Variants in LEKR1 observed in about 807,000 individuals in gnomAD.
LEKR1 encodes the protein leucine, glutamate and lysine rich 1.
A neutral mutation model predicts 72.4 loss-of-function variants in LEKR1; 59 were observed. The observed-to-expected ratio is 0.82, with a 90% CI of 0.66 to 1.01. The LOEUF (loss-of-function observed/expected upper bound fraction) is 1.01, where lower values mean the gene tolerates loss of function less well. Among genes scored for constraint, LEKR1 ranks in the 50% least tolerant of loss-of-function variants. The pLI, the probability that LEKR1 is intolerant of heterozygous loss-of-function variation, is 0.00. For synonymous variants in LEKR1, 257 were observed against 263.2 expected (o/e 0.98, Z 0.23); for missense variants, 728 against 759.2 (o/e 0.96, Z 0.48).
intron 3 of LEKR1, among the ~76,000 whole-genome samples, chr3:156,913,532 T>C (rs1723310073): frequency 6.6e-6 from 1 of 152,220 alleles, no homozygotes; most frequent in South Asian, 2.1e-4. Flanking sequence ...AAACATATAA[T>C]TAACTTTCCC....
At chr3:156,863,182 C>T (rs1022739150) in intron 3 of LEKR1, among the ~76,000 whole-genome samples, 1 of 151,964 alleles carries the variant, frequency 6.6e-6, no homozygotes, top group Admixed American at 6.6e-5. Flanking sequence ...AAGAAATCCC[C>T]AGGAAGTCTA....
chr3:157,045,809 G>C lies in LEKR1; in HGVS notation c.*59G>C. 1 of 1,387,186 alleles carries C rather than the reference G, an allele frequency of 7.2e-7. No homozygotes were observed. Among genetic ancestry groups the C allele is most frequent in the East Asian group, 2.3e-5 (1 of 43,404 alleles). 85.9% of individuals were successfully genotyped at this position (1,387,186 alleles called of 1,614,324 possible). A position where few individuals can be genotyped will look rare whatever the true frequency, so the allele number is the denominator to read the frequency against. ...TGCACGCTCTTTCAGAGAGTGCCAGGAATTCACTGTAACTGAGAATGACAA... is the reference window on the plus strand; with the variant it reads ...TGCACGCTCTTTCAGAGAGTGCCAGCAATTCACTGTAACTGAGAATGACAA... On this transcript the variant is annotated 3_prime_UTR_variant, in exon 13 of 13. Coordinates refer to ENST00000356539, the MANE Select transcript of LEKR1 (RefSeq NM_001004316.3).
At chr3:156,954,827 C>T (rs1300761657) in intron 6 of LEKR1, among the ~76,000 whole-genome samples, 1 of 151,888 alleles carries the variant, frequency 6.6e-6, no homozygotes, top group East Asian at 1.9e-4. Flanking sequence ...TTAGGACTGC[C>T]TTGGCTAGTC....
chr3:156,916,229 C>T (rs563544963), intron 3 of LEKR1, among the ~76,000 whole-genome samples: 3 of 151,828 alleles, frequency 2.0e-5, no homozygotes, highest in Admixed American at 6.6e-5. Context: ...CTTAGAATTG[C>T]TTTGTCTATT....
chr3:156,846,287 T>G (rs1224789659), intron 2 of LEKR1, among the ~76,000 whole-genome samples: 1 of 152,144 alleles, frequency 6.6e-6, no homozygotes, highest in Admixed American at 6.5e-5. Context: ...TTTTTCCTTC[T>G]AATATGTATG....
At chr3:156,954,433 G>GT (rs1323788690) in intron 6 of LEKR1, among the ~76,000 whole-genome samples, 1 of 151,834 alleles carries the variant, frequency 6.6e-6, no homozygotes, top group African/African-American at 2.4e-5. Context: ...ATCTCTGCCT[G>GT]TACCTACGTC....
At chr3:157,017,616 T>C (rs1448519640) in intron 10 of LEKR1, 2 of 151,790 alleles carry the variant, frequency 1.3e-5, no homozygotes, top group African/African-American at 2.4e-5. Context: ...AAAAACACAA[T>C]AGATTAAAAG....
At chr3:157,030,404 G>A (rs1431020643) in intron 12 of LEKR1, among the ~76,000 whole-genome samples, 1 of 152,164 alleles carries the variant, frequency 6.6e-6, no homozygotes, top group African/African-American at 2.4e-5. Context: ...TACTGGTGAT[G>A]TAATTATGAA....
At chr3:156,973,658 C>T (rs1161390669) in intron 6 of LEKR1, among the ~76,000 whole-genome samples, 1 of 151,986 alleles carries the variant, frequency 6.6e-6, no homozygotes, top group East Asian at 1.9e-4. Context: ...TTGAAAAGAG[C>T]TGTTTCTGTG....
chr3:157,040,167 A>G (rs937324318), intron 12 of LEKR1, among the ~76,000 whole-genome samples: 1 of 152,236 alleles, frequency 6.6e-6, no homozygotes, highest in African/African-American at 2.4e-5. Context: ...AAATTTTTGT[A>G]TATTTAATTA....
intron 10 of LEKR1, among the ~76,000 whole-genome samples, chr3:157,015,757 G>A (rs1334867779): frequency 1.3e-5 from 2 of 152,082 alleles, no homozygotes; most frequent in Non-Finnish European, 2.9e-5. Context: ...ACCCAGAAAG[G>A]CACAGAAGTG....
intron 3 of LEKR1, among the ~76,000 whole-genome samples, chr3:156,914,782 AT>A (rs1490917398): frequency 6.6e-6 from 1 of 151,868 alleles, no homozygotes; most frequent in African/African-American, 2.4e-5. Flanking sequence ...CTAGTACCTC[AT>A]TTTTTAAAAT....
chr3:156,897,442 G>C (rs997080013), intron 3 of LEKR1, among the ~76,000 whole-genome samples: 1 of 151,950 alleles, frequency 6.6e-6, no homozygotes, highest in Admixed American at 6.6e-5. Flanking sequence ...GGTGCAGCTT[G>C]GTTTTATACA....
intron 3 of LEKR1, among the ~76,000 whole-genome samples, chr3:156,875,873 T>C (rs552147521): frequency 1.3e-5 from 2 of 151,260 alleles, no homozygotes; most frequent in African/African-American, 4.9e-5. Context: ...CGGGTGCCTG[T>C]AGTCCCAGCT....
chr3:156,869,875 A>T (rs1717723747), intron 3 of LEKR1, among the ~76,000 whole-genome samples: 1 of 151,896 alleles, frequency 6.6e-6, no homozygotes, highest in Non-Finnish European at 1.5e-5. Context: ...TCCTGAGTTG[A>T]TTTCTGTATA....
At chr3:156,899,491 T>C (rs1472946937) in intron 3 of LEKR1, among the ~76,000 whole-genome samples, 1 of 126,284 alleles carries the variant, frequency 7.9e-6, no homozygotes, top group Non-Finnish European at 1.6e-5. Context: ...CATACATATA[T>C]ACACATATAT....
intron 12 of LEKR1, among the ~76,000 whole-genome samples, chr3:157,041,150 C>T (rs1735313006): frequency 6.6e-6 from 1 of 152,052 alleles, no homozygotes; most frequent in Non-Finnish European, 1.5e-5. Context: ...TCAAGGTGGG[C>T]TTATTCTGAA....
chr3:157,014,397 G>A lies in LEKR1; in HGVS notation c.1203+2891G>A, dbSNP rs185268132. ...AACTAGATTGAGAGTGAAAATGCAG[G>A]TGAGAAAAGTTTACTTCAAGAAATA... On this transcript the variant is annotated intron_variant, in intron 10 of 12. Coordinates refer to ENST00000356539, the MANE Select transcript of LEKR1 (RefSeq NM_001004316.3). Among the ~76,000 whole-genome samples the A allele has an allele frequency of 5.3e-5, 8 of 152,046 alleles. No homozygotes were observed. In the South Asian group the frequency reaches 8.3e-4, roughly 16 times the overall value.
At chr3:157,003,815 C>T (rs1031098375) in intron 9 of LEKR1, among the ~76,000 whole-genome samples, 7 of 151,904 alleles carry the variant, frequency 4.6e-5, no homozygotes, top group African/African-American at 1.7e-4. Flanking sequence ...CCTGTAGCAA[C>T]CACTAAAATA....
Sources: allele counts gnomAD v4.1 joint callset (sites outside exome capture counted in the v4.1 genomes callset), GRCh38; gene constraint gnomAD v4.1.1; transcripts MANE v1.5; gene names NCBI Gene and HGNC (gene_info 2026-07-23, HGNC 2026-07-21).